Variants in NPHP3 observed in about 807,000 individuals in gnomAD.
NPHP3 encodes nephrocystin-3.
A neutral mutation model predicts 171.9 loss-of-function variants in NPHP3; 123 were observed. That is an observed-to-expected ratio of 0.72 (90% CI 0.62 to 0.83). The LOEUF is 0.83. NPHP3 is among the 40% of genes least tolerant of loss of function. The probability of loss-of-function intolerance (pLI) is 0.00; values close to 1 mark genes in which losing one functional copy is unlikely to be tolerated. For synonymous variants in NPHP3, 558 were observed against 579.2 expected, an observed-to-expected ratio of 0.96 and a Z score of 0.52; for missense variants, 1,506 against 1,591.9, an observed-to-expected ratio of 0.95 and a Z score of 0.92.
chr3:132,700,316 A>G lies in NPHP3; in HGVS notation c.1743+18T>C. ...ATCTAAATAAAATTCTGTAATTCCA[A>G]AAGATGGGATACTATACCTTTAGAG... On this transcript the variant is annotated intron_variant, in intron 11 of 26. Transcript: ENST00000337331. 2 of 1,528,298 alleles carry G rather than the reference A, an allele frequency of 1.3e-6. No homozygotes were observed. The highest frequency in any genetic ancestry group is 1.1e-5 in the South Asian group (1 of 89,192). The allele number at this position is 1,528,298 out of a possible 1,614,324, so 94.7% of individuals were successfully genotyped here.
At chr3:132,721,906 G>A in intron 1 of NPHP3, 57 bp downstream of exon 1, 1 of 1,591,816 alleles carries the variant, frequency 6.3e-7, no homozygotes, top group Non-Finnish European at 8.5e-7. Context: ...TGGAGAGGGA[G>A]CAGGACGGCC....
chr3:132,717,019 A>G, intron 3 of NPHP3, 110 bp from the exon 4 acceptor site: 2 of 1,170,252 alleles, frequency 1.7e-6, no homozygotes, highest in Non-Finnish European at 2.5e-6. Flanking sequence ...AAAATATTAC[A>G]AATATTCAAA....
chr3:132,682,380 G>A (rs978367725), intron 26 of NPHP3: 1 of 548,868 alleles, frequency 1.8e-6, no homozygotes, highest in African/African-American at 1.9e-5. Flanking sequence ...AAATACAAAT[G>A]AGCAAGCAAA....
At chr3:132,699,592 G>A in intron 12 of NPHP3, 142 bp from the exon 13 acceptor site, 1 of 710,716 alleles carries the variant, frequency 1.4e-6, no homozygotes, top group Non-Finnish European at 2.3e-6. Flanking sequence ...ATTTATTTTA[G>A]AATTTTAAAA....
intron 1 of NPHP3, among the ~76,000 whole-genome samples, chr3:132,720,218 A>G (rs1940170195): frequency 6.6e-6 from 1 of 152,240 alleles, no homozygotes; most frequent in African/African-American, 2.4e-5. Flanking sequence ...TGTCTTATTC[A>G]TCTCACCATC....
intron 17 of NPHP3, among the ~76,000 whole-genome samples, 176 bp downstream of exon 17, chr3:132,692,478 T>C (rs1280231483): frequency 2.0e-5 from 3 of 152,250 alleles, no homozygotes; most frequent in African/African-American, 7.2e-5. Context: ...TCTACCCTCT[T>C]AATAAATTTT....
At chr3:132,706,072 G>C (rs1396711387) in intron 7 of NPHP3, among the ~76,000 whole-genome samples, 1 of 152,074 alleles carries the variant, frequency 6.6e-6, no homozygotes, top group African/African-American at 2.4e-5. Context: ...AATAAAACAA[G>C]AAGTAGGCCA....
intron 9 of NPHP3, among the ~76,000 whole-genome samples, chr3:132,703,579 C>CTT (rs747062922): frequency 3.8e-5 from 5 of 131,018 alleles, no homozygotes; most frequent in Admixed American, 7.8e-5. Context: ...TTCTTTCTTT[C>CTT]TTTTTTTTTT....
chr3:132,716,867 C>G lies in NPHP3; in HGVS notation c.713G>C (p.Gly238Ala). 6.2e-7 allele frequency: 1 copy of G among 1,614,156 alleles called. No homozygotes were observed. The highest frequency in any genetic ancestry group is 1.3e-5 in the African/African-American group (1 of 75,058). ...QCEYWTGGAL[G>A]SEPSIGSMIQ... ...CATGCTTCCTATGGAAGGTTCACTT[C>G]CCAAGGCTCCGCCAGTCCAATATTC... Residue 238 changes from glycine to alanine, a missense_variant, in exon 4 of 27, where the codon GGA (glycine) becomes GCA (alanine). Gly to Ala is a moderately conservative substitution (Grantham distance 60). Around this residue, in one of 3 missense-constraint regions of NPHP3, gnomAD observed 930 missense variants for 924.9 expected, o/e 1.01. Coordinates refer to ENST00000337331, the MANE Select transcript of NPHP3 (RefSeq NM_153240.5).
At position 132,708,329 on chromosome 3, in the gene NPHP3, T is replaced by C. The variant is rs1939813862; in HGVS notation, c.1119-72A>G. On this transcript the variant is annotated intron_variant, in intron 6 of 26. Transcript: ENST00000337331. ...CAAGCAGTTAGTTAATCAACCTAAGTGCCAATAATGGAGTTTTACTACAGT... is the reference window on the plus strand; with the variant it reads ...CAAGCAGTTAGTTAATCAACCTAAGCGCCAATAATGGAGTTTTACTACAGT... The C allele has an allele frequency of 6.2e-6, 9 of 1,445,198 alleles. No homozygotes were observed. In the East Asian group the frequency reaches 9.1e-5, roughly 15 times the overall value. 89.5% of individuals were successfully genotyped at this position (1,445,198 alleles called of 1,614,324 possible).
chr3:132,720,986 C>T (rs145172899), intron 1 of NPHP3, among the ~76,000 whole-genome samples: 11 of 152,102 alleles, frequency 7.2e-5, no homozygotes, highest in African/African-American at 2.7e-4. Flanking sequence ...GGTGCAATCT[C>T]GGCTCACTGC....
intron 5 of NPHP3, 24 bp from the exon 6 acceptor site, chr3:132,713,310 A>G: frequency 5.2e-6 from 8 of 1,539,850 alleles, no homozygotes; most frequent in Non-Finnish European, 7.1e-6. Flanking sequence ...AAAACATACA[A>G]AAGTTTAATG....
At chr3:132,705,590 CA>C in intron 8 of NPHP3, 149 bp downstream of exon 8, 1 of 582,554 alleles carries the variant, frequency 1.7e-6, no homozygotes, top group Non-Finnish European at 3.2e-6. Flanking sequence ...AAGAACATAC[CA>C]CAGGATGGAC....
rs754477708 is a variant in NPHP3 at position 132,719,541 on chromosome 3, C to T, written c.519+164G>A. ...CTTTGAAATGATCTCAAGTTTACCA[C>T]GTCCAACTCAAAAATGTGAAAGTGC... On this transcript the variant is annotated intron_variant, in intron 2 of 26. Transcript: ENST00000337331. Among the ~76,000 whole-genome samples, 14 of 152,046 alleles carry T rather than the reference C, an allele frequency of 9.2e-5. 1 individual carries two copies. In the South Asian group the frequency reaches 1.7e-3, roughly 18 times the overall value.
rs183555487 is a variant in NPHP3, at chr3:132,684,478, C to T, written c.3570+76G>A. ...TAAACTAACCTGTCCCTCATAAAGA[C>T]AAATTATTTTGCTGATAGTAGTTAT... is the stretch of plus-strand genomic sequence containing the variant. On this transcript the variant is annotated intron_variant, in intron 24 of 26. Transcript: ENST00000337331. The T allele has an allele frequency of 1.9e-4, 298 of 1,528,728 alleles. 2 individuals carry two copies. In the African/African-American group the frequency reaches 3.8e-3, roughly 19 times the overall value. The allele number at this position is 1,528,728 out of a possible 1,614,324, so 94.7% of individuals were successfully genotyped here.
At chr3:132,697,217 A>G (rs1249875263) in intron 14 of NPHP3, 43 bp downstream of exon 14, 1 of 1,263,446 alleles carries the variant, frequency 7.9e-7, no homozygotes, top group Non-Finnish European at 1.2e-6. Flanking sequence ...TTCATAGGAA[A>G]GATGAGAGAG....
chr3:132,682,442 T>C, intron 26 of NPHP3: 1 of 558,638 alleles, frequency 1.8e-6, no homozygotes, highest in South Asian at 2.1e-5. Context: ...AAATTACCCA[T>C]ATTACTCCCA....
chr3:132,694,463 C>T (rs1413553083), intron 16 of NPHP3, among the ~76,000 whole-genome samples: 3 of 151,108 alleles, frequency 2.0e-5, no homozygotes, highest in Non-Finnish European at 4.4e-5. Context: ...AGTTAAAAGA[C>T]AAGAAACAAA....
In NPHP3 at chr3:132,710,747, T is replaced by C. The variant is rs140864479; in HGVS notation, c.1118+2379A>G. Among the ~76,000 whole-genome samples the C allele has an allele frequency of 2.7e-3, 410 of 152,250 alleles. 2 individuals are homozygous for C. Among genetic ancestry groups the C allele is most frequent in the African/African-American group, 9.5e-3 (394 of 41,542 alleles). ...TTTTTCTCCTTCCATGAAGTGAGGC[T>C]GGTCAAATTAAAGGCATTAAAGAAG... On this transcript the variant is annotated intron_variant, in intron 6 of 26. Coordinates refer to ENST00000337331, the MANE Select transcript of NPHP3 (RefSeq NM_153240.5).
Sources: allele counts gnomAD v4.1 joint callset (sites outside exome capture counted in the v4.1 genomes callset), GRCh38; gene constraint gnomAD v4.1.1; regional missense constraint gnomAD v4.1.1; transcripts MANE v1.5; gene names NCBI Gene and HGNC (gene_info 2026-07-23, HGNC 2026-07-21).